Variants in PCDH15 observed in about 807,000 individuals in gnomAD.
The protein encoded by PCDH15 is protocadherin related 15.
PCDH15 carries 129 observed loss-of-function variants against 178.5 expected under a neutral mutation model. The ratio of observed to expected loss-of-function variants is 0.72; its 90% CI spans 0.63 to 0.84. The LOEUF is 0.84. PCDH15 is among the 40% of genes least tolerant of loss of function. The pLI, the probability that PCDH15 is intolerant of heterozygous loss-of-function variation, is 0.00. For missense variants in PCDH15, 2,230 were observed against 2,099.9 expected (o/e 1.06, Z -1.21); for synonymous variants, 800 against 732.0 (o/e 1.09, Z -1.50).
At chr10:54,316,529 TACACACACAC>T (rs35604056) in intron 8 of PCDH15, among the ~76,000 whole-genome samples, 3,146 of 132,264 alleles carry the variant, frequency 0.024, 71 homozygotes, top group African/African-American at 0.056. Flanking sequence ...AATATGTGTA[TACACACACAC>T]ACACACACAC....
intron 23 of PCDH15, 96 bp downstream of exon 23, chr10:53,959,636 T>C: frequency 1.1e-6 from 1 of 908,172 alleles, no homozygotes; most frequent in East Asian, 2.6e-5. Context: ...AAATTGGAAG[T>C]CTACTCATAA....
At chr10:55,239,948 A>G (rs187747790) in intron 1 of PCDH15, among the ~76,000 whole-genome samples, 1 of 152,192 alleles carries the variant, frequency 6.6e-6, no homozygotes, top group East Asian at 1.9e-4. Context: ...ATATCAAAAA[A>G]ATTCTAATCA....
chr10:54,171,073 G>C (rs928265344), intron 13 of PCDH15, among the ~76,000 whole-genome samples: 1 of 151,906 alleles, frequency 6.6e-6, no homozygotes, highest in African/African-American at 2.4e-5. Flanking sequence ...TTTCCTACAG[G>C]GTCTGAGAAG....
intron 8 of PCDH15, among the ~76,000 whole-genome samples, chr10:54,259,525 A>T (rs943179627): frequency 1.3e-5 from 2 of 152,228 alleles, no homozygotes; most frequent in African/African-American, 4.8e-5. Context: ...AAGAGAAGAT[A>T]AGAAAAGAAG....
chr10:53,854,225 A>G (rs1242312473), intron 28 of PCDH15, among the ~76,000 whole-genome samples: 1 of 152,004 alleles, frequency 6.6e-6, no homozygotes, highest in Non-Finnish European at 1.5e-5. Context: ...TTATACATGT[A>G]GGAAGACAAA....
At chr10:53,963,710 T>C (rs890234994) in intron 21 of PCDH15, among the ~76,000 whole-genome samples, 2 of 152,148 alleles carry the variant, frequency 1.3e-5, no homozygotes, top group Admixed American at 1.3e-4. Context: ...ACTAAGGTGT[T>C]CTATCTGAAA....
intron 31 of PCDH15, among the ~76,000 whole-genome samples, chr10:53,828,228 A>G (rs1001180037): frequency 2.0e-5 from 3 of 149,882 alleles, no homozygotes; most frequent in East Asian, 2.0e-4. Context: ...AAAAAAAAAA[A>G]AAAAAAAAAA....
intron 9 of PCDH15, among the ~76,000 whole-genome samples, chr10:54,227,624 C>T (rs2053592405): frequency 6.6e-6 from 1 of 152,168 alleles, no homozygotes; most frequent in Admixed American, 6.5e-5. Flanking sequence ...TTTCTGCAGC[C>T]AGCTTGAATT....
chr10:54,412,745 CAG>C (rs1199214941), intron 3 of PCDH15, among the ~76,000 whole-genome samples: 1 of 152,132 alleles, frequency 6.6e-6, no homozygotes, highest in Non-Finnish European at 1.5e-5. Flanking sequence ...TTTTTTGCGA[CAG>C]AGTCTCGCTC....
In PCDH15 at chr10:55,335,732, T is replaced by A. The variant is rs539241396; in HGVS notation, c.-155-169081A>T. Among the ~76,000 whole-genome samples, 45 of 152,238 alleles carry A rather than the reference T, an allele frequency of 3.0e-4. No homozygotes were observed. The South Asian group carries it at 8.5e-3, about 29-fold the overall frequency. The stretch of plus-strand genomic sequence containing the variant: ...GGAAATTATAAACTATGATTTTTTT[T>A]AATCTAAATCTAAAAACACAGTTAG... On this transcript the variant is annotated intron_variant, in intron 2 of 5. Coordinates refer to the PCDH15 transcript ENST00000613346.
At chr10:55,607,776 A>C (rs1165904483) in intron 2 of PCDH15, among the ~76,000 whole-genome samples, 1 of 144,006 alleles carries the variant, frequency 6.9e-6, no homozygotes, top group African/African-American at 2.6e-5. Context: ...GAGGGATAGC[A>C]TTGGGAGATA....
intron 32 of PCDH15, chr10:53,821,286 T>G: frequency 1.0e-6 from 1 of 984,958 alleles, no homozygotes; most frequent in Non-Finnish European, 1.2e-6. Flanking sequence ...AGAAAACAGA[T>G]GACTACATGT....
At chr10:55,500,977 G>A (rs569693592) in intron 2 of PCDH15, among the ~76,000 whole-genome samples, 48 of 151,730 alleles carry the variant, frequency 3.2e-4, no homozygotes, top group Non-Finnish European at 6.3e-4. Context: ...TCCCTAAGGA[G>A]ATATGTTAAA....
intron 1 of PCDH15, among the ~76,000 whole-genome samples, chr10:55,261,717 C>T (rs983145281): frequency 1.3e-5 from 2 of 152,030 alleles, no homozygotes; most frequent in Non-Finnish European, 2.9e-5. Context: ...AATTTTGAAA[C>T]CTCTATTCCC....
At chr10:54,764,102 T>C (rs995007916) in intron 1 of PCDH15, among the ~76,000 whole-genome samples, 9 of 151,780 alleles carry the variant, frequency 5.9e-5, no homozygotes, top group Admixed American at 4.6e-4. Flanking sequence ...CAAAGAAAAA[T>C]AAATATATAT....
At chr10:54,395,955 T>C (rs1294617313) in intron 3 of PCDH15, among the ~76,000 whole-genome samples, 1 of 152,070 alleles carries the variant, frequency 6.6e-6, no homozygotes, top group Non-Finnish European at 1.5e-5. Flanking sequence ...CTATGGGAGA[T>C]CAGAATATGC....
At chr10:54,564,339 G>A (rs1381138503) in intron 2 of PCDH15, among the ~76,000 whole-genome samples, 2 of 152,130 alleles carry the variant, frequency 1.3e-5, no homozygotes. Context: ...GGATTGAGAA[G>A]TATGGCTAAA....
intron 3 of PCDH15, among the ~76,000 whole-genome samples, chr10:54,457,893 AAT>A (rs1219357658): frequency 6.6e-6 from 1 of 152,156 alleles, no homozygotes; most frequent in African/African-American, 2.4e-5. Flanking sequence ...GCCCAAACAT[AAT>A]ACAATATTCC....
intron 2 of PCDH15, among the ~76,000 whole-genome samples, chr10:55,467,861 G>A (rs1226714288): frequency 6.6e-6 from 1 of 150,574 alleles, no homozygotes; most frequent in Non-Finnish European, 1.5e-5. Flanking sequence ...AGCTACTCCC[G>A]GAGGCTGAGG....
Sources: allele counts gnomAD v4.1 joint callset (sites outside exome capture counted in the v4.1 genomes callset), GRCh38; gene constraint gnomAD v4.1.1; transcripts MANE v1.5; gene names NCBI Gene and HGNC (gene_info 2026-07-23, HGNC 2026-07-21).